SYTL5: variants seen among roughly 807,000 people sequenced by gnomAD.
SYTL5 encodes synaptotagmin like 5.
Under a neutral mutation model 55.9 loss-of-function variants are expected in SYTL5, and 34 were observed. That is an observed-to-expected ratio of 0.61 (90% CI 0.46 to 0.81). SYTL5 has a LOEUF of 0.81. SYTL5 is among the 30% of genes least tolerant of loss of function. The pLI, the probability that SYTL5 is intolerant of heterozygous loss-of-function variation, is 0.00. For synonymous variants in SYTL5, 221 were observed against 188.7 expected (o/e 1.17, Z -1.40); for missense variants, 637 against 546.7 (o/e 1.17, Z -1.65).
At chrX:37,972,770 C>T in the SYTL5 span, among the ~76,000 whole-genome samples, 1 of 111,434 alleles carries the variant, frequency 9.0e-6, no homozygotes, top group African/African-American at 3.3e-5. Context: ...TGGTTTGGTT[C>T]AGAAAAGCGG....
chrX:38,009,189 G>T, intron 1 of SYTL5, among the ~76,000 whole-genome samples: 1 of 111,245 alleles, frequency 9.0e-6, no homozygotes, highest in Non-Finnish European at 1.9e-5. Flanking sequence ...TCCCTCAAAG[G>T]TTTAGCATTT....
At chrX:37,900,906 T>C in the SYTL5 span, among the ~76,000 whole-genome samples, 1 of 111,396 alleles carries the variant, frequency 9.0e-6, no homozygotes, top group Non-Finnish European at 1.9e-5. Context: ...CAGGAGATCA[T>C]CAGTTAGGGG....
chrX:38,122,692 A>G (rs73469603), intron 15 of SYTL5, among the ~76,000 whole-genome samples: 3,068 of 111,981 alleles, frequency 0.027, 57 homozygotes, highest in African/African-American at 0.067. Context: ...AGGCTCCAAG[A>G]CCACCTGCTA....
intron 5 of SYTL5, among the ~76,000 whole-genome samples, chrX:38,076,210 C>A (rs973054071): frequency 8.9e-6 from 1 of 111,976 alleles, no homozygotes; most frequent in African/African-American, 3.2e-5. Context: ...TGGCTTCCCT[C>A]TCTGAGCAAA....
At chrX:38,073,426 GAACT>G (rs1223229592) in intron 4 of SYTL5, among the ~76,000 whole-genome samples, 160 bp from the exon 5 acceptor site, 4 of 112,007 alleles carry the variant, frequency 3.6e-5, no homozygotes, top group Non-Finnish European at 5.6e-5. Context: ...CAACAAATTA[GAACT>G]AACTGTGTGA....
At chrX:38,119,180 TTGTG>T (rs767742519) in intron 13 of SYTL5, among the ~76,000 whole-genome samples, 1 of 108,577 alleles carries the variant, frequency 9.2e-6, no homozygotes, top group African/African-American at 3.3e-5. Flanking sequence ...TGGTACTCAT[TTGTG>T]TGTGTGTGTG....
the SYTL5 span, among the ~76,000 whole-genome samples, chrX:37,909,366 G>A: frequency 8.9e-6 from 1 of 112,419 alleles, no homozygotes; most frequent in African/African-American, 3.2e-5. Context: ...AAAGAATGGA[G>A]TAGATCAAGC....
intron 3 of SYTL5, among the ~76,000 whole-genome samples, chrX:38,061,442 C>A (rs906765513): frequency 5.4e-5 from 6 of 111,400 alleles, no homozygotes; most frequent in African/African-American, 1.6e-4. Flanking sequence ...AATATTGCAG[C>A]CCCACTGAGC....
At position 38,010,554 on chromosome X, in the gene SYTL5, T is replaced by C. The variant is rs182402773; in HGVS notation, c.-357+3886T>C. Among the ~76,000 whole-genome samples, 573 of 112,328 alleles carry C rather than the reference T, an allele frequency of 5.1e-3. 1 individual carries two copies. The highest frequency in any genetic ancestry group is 7.7e-3 in the Non-Finnish European group (410 of 53,265). On this transcript the variant is annotated intron_variant, in intron 1 of 16. Coordinates refer to ENST00000297875, the MANE Select transcript of SYTL5 (RefSeq NM_138780.3). ...TTGTTAAAGAAGAACAAATGTTAGATTGCCCTTTTGTGTTGTGAAATATGT... is the reference window on the plus strand; with the variant it reads ...TTGTTAAAGAAGAACAAATGTTAGACTGCCCTTTTGTGTTGTGAAATATGT...
the SYTL5 span, among the ~76,000 whole-genome samples, chrX:37,971,459 C>T: frequency 9.0e-6 from 1 of 110,685 alleles, no homozygotes; most frequent in African/African-American, 3.3e-5. Context: ...GCAAAGTTCC[C>T]GTAGCTATTA....
the SYTL5 span, among the ~76,000 whole-genome samples, chrX:37,996,389 A>G: frequency 9.0e-6 from 1 of 111,652 alleles, no homozygotes; most frequent in African/African-American, 3.3e-5. Context: ...GGAGGGAGGG[A>G]AAGGTGAGGA....
chrX:37,998,022 C>A, the SYTL5 span, among the ~76,000 whole-genome samples: 3 of 112,091 alleles, frequency 2.7e-5, no homozygotes, highest in African/African-American at 9.7e-5. Context: ...GGAAGACCTG[C>A]CTACAGAGAG....
chrX:37,923,658 G>C, the SYTL5 span, among the ~76,000 whole-genome samples: 1 of 109,687 alleles, frequency 9.1e-6, no homozygotes, highest in East Asian at 2.8e-4. Flanking sequence ...TTAGCAGTAG[G>C]AGGGGCTCCT....
rs1394875870 is a variant in SYTL5, at chrX:38,006,563, G to C, written c.-462G>C. 1 of 111,702 alleles carries C rather than the reference G, an allele frequency of 9.0e-6. No individual in the cohort carries two copies. The highest frequency in any genetic ancestry group is 3.2e-5 in the African/African-American group (1 of 30,802). 9.2% of individuals were successfully genotyped at this position (111,702 alleles called of 1,213,427 possible). ...GGAATATGAGAGGCTGGTTTTTCAA[G>C]TTCCTGCTCCAAGTAGTTCACAAGG... On this transcript the variant is annotated 5_prime_UTR_variant, in exon 1 of 17. Transcript: ENST00000297875.
the SYTL5 span, among the ~76,000 whole-genome samples, chrX:37,944,742 C>T: frequency 2.0e-4 from 22 of 112,544 alleles, no homozygotes; most frequent in Non-Finnish European, 3.9e-4. Flanking sequence ...GCATTGTGTG[C>T]AGTTCTTCAC....
intron 5 of SYTL5, 41 bp from the exon 6 acceptor site, chrX:38,076,526 T>G: frequency 1.0e-6 from 1 of 983,782 alleles, no homozygotes; most frequent in East Asian, 3.4e-5. Context: ...TTTAAATGCT[T>G]TCTTTCTTAT....
At chrX:37,933,560 T>C in the SYTL5 span, among the ~76,000 whole-genome samples, 1 of 112,255 alleles carries the variant, frequency 8.9e-6, no homozygotes, top group Non-Finnish European at 1.9e-5. Context: ...GCTTGCTCAG[T>C]ATGTAAAGCT....
At chrX:37,929,489 G>C in the SYTL5 span, among the ~76,000 whole-genome samples, 1 of 112,184 alleles carries the variant, frequency 8.9e-6, no homozygotes. Flanking sequence ...ATAGCCTACT[G>C]TTTATTTTGC....
chrX:37,996,997 A>T, the SYTL5 span, among the ~76,000 whole-genome samples: 2 of 112,806 alleles, frequency 1.8e-5, no homozygotes, highest in African/African-American at 3.2e-5. Flanking sequence ...TGTTGCCAAC[A>T]TTGAAAAATC....
Sources: allele counts gnomAD v4.1 joint callset (sites outside exome capture counted in the v4.1 genomes callset), GRCh38; gene constraint gnomAD v4.1.1; transcripts MANE v1.5; gene names NCBI Gene and HGNC (gene_info 2026-07-23, HGNC 2026-07-21).